The following GRIN3A variants were observed in gnomAD, a reference collection of about 807,000 sequenced individuals.
GRIN3A encodes glutamate receptor ionotropic, NMDA 3A.
GRIN3A carries 47 observed loss-of-function variants against 92.4 expected under a neutral mutation model. The ratio of observed to expected loss-of-function variants is 0.51; its 90% confidence interval spans 0.40 to 0.65. The LOEUF is 0.65. GRIN3A is among the 30% of genes least tolerant of loss of function. The probability of loss-of-function intolerance (pLI) is 0.00; values close to 1 mark genes in which losing one functional copy is unlikely to be tolerated. For missense variants in GRIN3A, 1,324 were observed against 1,393.1 expected (o/e 0.95, Z 0.79); for synonymous variants, 527 against 540.6 (o/e 0.97, Z 0.35).
chr9:101,653,069 T>C (rs1246459920), intron 3 of GRIN3A, among the ~76,000 whole-genome samples: 1 of 151,976 alleles, frequency 6.6e-6, no homozygotes, highest in Non-Finnish European at 1.5e-5. Flanking sequence ...TTATTGTATT[T>C]GGAAAATGCT....
At chr9:101,641,792 T>TTA (rs570860959) in intron 3 of GRIN3A, among the ~76,000 whole-genome samples, 3 of 141,888 alleles carry the variant, frequency 2.1e-5, no homozygotes, top group African/African-American at 7.7e-5. Context: ...ACAATAAAAT[T>TTA]AAAAAAAAAA....
intron 3 of GRIN3A, among the ~76,000 whole-genome samples, chr9:101,661,100 T>A (rs965586494): frequency 1.3e-5 from 2 of 151,834 alleles, no homozygotes; most frequent in Non-Finnish European, 2.9e-5. Flanking sequence ...GTGGACAGTA[T>A]AAGTGTCTTT....
rs541950346 is a variant in GRIN3A at position 101,732,433 on chromosome 9, A to C, written c.699+4848T>G. On this transcript the variant is annotated intron_variant, in intron 1 of 8. Coordinates refer to ENST00000361820, the MANE Select transcript of GRIN3A (RefSeq NM_133445.3). Reference sequence around the variant, plus strand: ...TAATGATATTTCTATGGCAGGACTTAAGGCTCTAGAAGCTGTGTTAGATGT... The same window carrying C: ...TAATGATATTTCTATGGCAGGACTTCAGGCTCTAGAAGCTGTGTTAGATGT... Among the ~76,000 whole-genome samples, 5 of 152,308 alleles carry C rather than the reference A, an allele frequency of 3.3e-5. No homozygotes were observed. The South Asian group carries it at 6.2e-4, about 19-fold the overall frequency.
At chr9:101,593,147 A>C (rs1445090596) in intron 6 of GRIN3A, 2 of 152,232 alleles carry the variant, frequency 1.3e-5, no homozygotes, top group South Asian at 4.1e-4. Context: ...AACAAAAACA[A>C]CTAAAAGCTT....
intron 3 of GRIN3A, among the ~76,000 whole-genome samples, chr9:101,636,857 C>T (rs10989574): frequency 0.55 from 83,679 of 151,996 alleles, 23,088 homozygotes; most frequent in African/African-American, 0.6. Flanking sequence ...AATGCATCCA[C>T]GCATATTATT....
chr9:101,645,210 A>G (rs868226188), intron 3 of GRIN3A, among the ~76,000 whole-genome samples: 52 of 151,694 alleles, frequency 3.4e-4, no homozygotes, highest in African/African-American at 1.2e-3. Context: ...TCTCCGTGAA[A>G]TCGATTTTTT....
intron 3 of GRIN3A, among the ~76,000 whole-genome samples, chr9:101,664,907 G>A (rs531605357): frequency 5.3e-5 from 8 of 151,888 alleles, no homozygotes; most frequent in East Asian, 1.9e-4. Flanking sequence ...TTACAGATAC[G>A]TAGCCAGGGC....
At chr9:101,626,540 A>G (rs774366987) in intron 4 of GRIN3A, among the ~76,000 whole-genome samples, 47 of 152,144 alleles carry the variant, frequency 3.1e-4, no homozygotes, top group Non-Finnish European at 6.2e-4. Flanking sequence ...AGGCCCAGAG[A>G]GAAGTGGTGA....
chr9:101,631,690 T>C (rs1461155236), intron 3 of GRIN3A, among the ~76,000 whole-genome samples: 1 of 152,174 alleles, frequency 6.6e-6, no homozygotes, highest in African/African-American at 2.4e-5. Context: ...ATCTGTCTTA[T>C]TGGCTCTGTG....
chr9:101,651,594 G>A (rs1829015291), intron 3 of GRIN3A, among the ~76,000 whole-genome samples: 1 of 151,276 alleles, frequency 6.6e-6, no homozygotes, highest in Non-Finnish European at 1.5e-5. Context: ...AGAGTAGCTT[G>A]CTGGTTGATT....
At chr9:101,706,548 A>T (rs1829818051) in intron 1 of GRIN3A, among the ~76,000 whole-genome samples, 1 of 152,228 alleles carries the variant, frequency 6.6e-6, no homozygotes, top group Non-Finnish European at 1.5e-5. Context: ...CAGATTATGC[A>T]ATCAGGGTGC....
At chr9:101,650,710 A>G (rs1829003415) in intron 3 of GRIN3A, among the ~76,000 whole-genome samples, 1 of 152,046 alleles carries the variant, frequency 6.6e-6, no homozygotes, top group Non-Finnish European at 1.5e-5. Flanking sequence ...GTGAGGATCC[A>G]GAAACTAAAC....
intron 2 of GRIN3A, among the ~76,000 whole-genome samples, chr9:101,677,059 C>G (rs1829407238): frequency 6.6e-6 from 1 of 151,522 alleles, no homozygotes; most frequent in African/African-American, 2.4e-5. Flanking sequence ...TTCAAGAGCC[C>G]TAAGCTATTC....
chr9:101,719,048 G>A (rs1829978130), intron 1 of GRIN3A, among the ~76,000 whole-genome samples: 1 of 152,136 alleles, frequency 6.6e-6, no homozygotes. Context: ...CTGAAGTTTG[G>A]GACATACTGC....
chr9:101,675,395 A>G (rs939119481), intron 2 of GRIN3A, among the ~76,000 whole-genome samples: 4 of 151,996 alleles, frequency 2.6e-5, no homozygotes, highest in African/African-American at 9.7e-5. Context: ...TATATATTTT[A>G]GAAGCCATAT....
intron 1 of GRIN3A, among the ~76,000 whole-genome samples, chr9:101,689,908 GT>G (rs1309397602): frequency 1.3e-5 from 2 of 152,106 alleles, no homozygotes; most frequent in Non-Finnish European, 2.9e-5. Flanking sequence ...ATGGTTTGTT[GT>G]TTGCAAAAGA....
intron 3 of GRIN3A, among the ~76,000 whole-genome samples, chr9:101,656,386 A>G (rs1392137810): frequency 6.6e-6 from 1 of 151,954 alleles, no homozygotes; most frequent in African/African-American, 2.4e-5. Context: ...GCTAAGCAGG[A>G]TGACAGTATG....
At chr9:101,673,212 C>T (rs1829352359) in intron 2 of GRIN3A, among the ~76,000 whole-genome samples, 1 of 152,044 alleles carries the variant, frequency 6.6e-6, no homozygotes. Context: ...TATGCTTAAA[C>T]CATATCAGAA....
chr9:101,704,533 T>G (rs1343635735), intron 1 of GRIN3A, among the ~76,000 whole-genome samples: 1 of 152,202 alleles, frequency 6.6e-6, no homozygotes, highest in African/African-American at 2.4e-5. Context: ...AAACTATACT[T>G]CGAATTTTGA....
Sources: gnomAD v4.1 joint callset for allele counts (sites outside exome capture counted in the v4.1 genomes callset) on GRCh38, gnomAD v4.1.1 for gene constraint, MANE v1.5 for transcripts, NCBI Gene and HGNC (gene_info 2026-07-23, HGNC 2026-07-21) for gene names.